Variants in EXOC6 observed in about 807,000 individuals in gnomAD.
The protein encoded by EXOC6 is exocyst complex component 6.
In EXOC6, 60 loss-of-function variants were observed where a neutral mutation model predicts 112.5. That is an observed-to-expected ratio of 0.53 (90% CI 0.43 to 0.66). EXOC6 has a LOEUF of 0.66. Among genes scored for constraint, EXOC6 ranks in the 30% least tolerant of loss-of-function variants. EXOC6 has a pLI of 0.00. For synonymous variants in EXOC6, 295 were observed against 308.0 expected, an observed-to-expected ratio of 0.96 and a Z score of 0.44; for missense variants, 855 against 957.1, an observed-to-expected ratio of 0.89 and a Z score of 1.41.
At chr10:92,965,051 C>T (rs940914860) in intron 17 of EXOC6, among the ~76,000 whole-genome samples, 3 of 152,124 alleles carry the variant, frequency 2.0e-5, no homozygotes, top group Non-Finnish European at 2.9e-5. Flanking sequence ...CAAGACCCAA[C>T]CTTGGAGCTA....
Position 92,893,530 on chromosome 10 carries a change from A to G in EXOC6, c.273+10A>G. On this transcript the variant is annotated intron_variant, in intron 2 of 21. Coordinates refer to ENST00000260762, the MANE Select transcript of EXOC6 (RefSeq NM_019053.6). ...TGCAGAAAAACTGAAGGTAAGAAAT[A>G]TGTTAAAATTATTTGCCTTTGTTCT... is the stretch of plus-strand genomic sequence containing the variant. 6.3e-7 allele frequency: 1 copy of G among 1,592,144 alleles called. No homozygotes were observed. The highest frequency in any genetic ancestry group is 8.5e-7 in the Non-Finnish European group (1 of 1,169,598).
At chr10:93,018,292 A>G (rs1844633459) in intron 20 of EXOC6, among the ~76,000 whole-genome samples, 1 of 152,174 alleles carries the variant, frequency 6.6e-6, no homozygotes, top group Non-Finnish European at 1.5e-5. Flanking sequence ...TAATAATGAC[A>G]TGGTGAATAT....
At chr10:92,859,868 G>A (rs984349619) in intron 1 of EXOC6, among the ~76,000 whole-genome samples, 2 of 147,088 alleles carry the variant, frequency 1.4e-5, no homozygotes, top group Non-Finnish European at 3.0e-5. Flanking sequence ...TGTGTTGGAG[G>A]CATATAACCT....
chr10:92,840,240 T>G (rs181368595), intron 1 of EXOC6, among the ~76,000 whole-genome samples: 33 of 152,296 alleles, frequency 2.2e-4, no homozygotes, highest in Admixed American at 1.4e-3. Context: ...GCTATTTATA[T>G]CTTTATAAAT....
At chr10:92,921,169 C>T (rs1401221718) in intron 8 of EXOC6, among the ~76,000 whole-genome samples, 2 of 150,980 alleles carry the variant, frequency 1.3e-5, no homozygotes, top group African/African-American at 4.9e-5. Flanking sequence ...TTTTGTTCCT[C>T]TATTCCTCCA....
chr10:92,848,433 G>GGCCC, upstream of EXOC6: 5 of 855,808 alleles, frequency 5.8e-6, no homozygotes, highest in Non-Finnish European at 5.7e-6. Flanking sequence ...CGGCCCGAGC[G>GGCCC]CCCCGCCCCC....
intron 18 of EXOC6, among the ~76,000 whole-genome samples, chr10:92,976,401 A>G (rs1239263215): frequency 6.6e-6 from 1 of 151,976 alleles, no homozygotes; most frequent in Non-Finnish European, 1.5e-5. Context: ...TGCTGTGTCC[A>G]CTCAGGGTTG....
intron 1 of EXOC6, among the ~76,000 whole-genome samples, chr10:92,841,246 T>G (rs2133589179): frequency 6.6e-6 from 1 of 152,328 alleles, no homozygotes; most frequent in East Asian, 1.9e-4. Flanking sequence ...CTCTGGTAAC[T>G]ACCATTCAAC....
At chr10:92,848,307 G>A (rs1030697472), upstream of EXOC6, 101 of 156,680 alleles carry the variant, frequency 6.4e-4, no homozygotes, top group Non-Finnish European at 1.2e-3. Context: ...AGGCCAGCTG[G>A]GTACCCGGCC....
Position 92,974,240 on chromosome 10 carries a change from T to C in EXOC6, c.1953+8T>C. ...GTGTTTACTCATTTGCCTGTAAGTA[T>C]AAAAATTTTCAAAAATTGTTTTATG... On this transcript the variant is annotated splice_region_variant and intron_variant, in intron 18 of 21. Transcript: ENST00000260762. 2 of 1,523,762 alleles carry C rather than the reference T, an allele frequency of 1.3e-6. No homozygotes were observed. Among genetic ancestry groups the C allele is most frequent in the East Asian group, 2.4e-5 (1 of 41,352 alleles). 94.4% of individuals were successfully genotyped at this position (1,523,762 alleles called of 1,614,324 possible). A position where few individuals can be genotyped will look rare whatever the true frequency, so the allele number is the denominator to read the frequency against.
At chr10:92,892,311 T>G (rs1849545867) in intron 1 of EXOC6, among the ~76,000 whole-genome samples, 1 of 152,238 alleles carries the variant, frequency 6.6e-6, no homozygotes. Flanking sequence ...GAGTGAGCTT[T>G]CAGTTGTCCT....
intron 1 of EXOC6, among the ~76,000 whole-genome samples, chr10:92,879,285 T>G (rs1018897178): frequency 6.6e-6 from 1 of 152,134 alleles, no homozygotes; most frequent in Non-Finnish European, 1.5e-5. Flanking sequence ...CTGGGCAACG[T>G]AGGGAGACTG....
intron 9 of EXOC6, among the ~76,000 whole-genome samples, chr10:92,931,612 G>A (rs1210398769): frequency 6.6e-6 from 1 of 150,818 alleles, no homozygotes; most frequent in Admixed American, 6.6e-5. Flanking sequence ...AACAAAGCTG[G>A]ATGGAGAATG....
At chr10:92,980,938 A>T (rs1842804063) in intron 18 of EXOC6, among the ~76,000 whole-genome samples, 1 of 152,058 alleles carries the variant, frequency 6.6e-6, no homozygotes, top group African/African-American at 2.4e-5. Context: ...GAGGCAGGAG[A>T]ATTGCTTGAA....
intron 20 of EXOC6, among the ~76,000 whole-genome samples, chr10:93,043,300 C>T (rs1306933945): frequency 6.6e-6 from 1 of 152,142 alleles, no homozygotes; most frequent in East Asian, 1.9e-4. Flanking sequence ...TCCCTAAAGT[C>T]GTTGCATACT....
intron 19 of EXOC6, among the ~76,000 whole-genome samples, chr10:93,002,474 A>C (rs757585592): frequency 6.6e-6 from 1 of 151,934 alleles, no homozygotes; most frequent in African/African-American, 2.4e-5. Flanking sequence ...TAGAAATGCA[A>C]ATCTTGGGCC....
intron 14 of EXOC6, among the ~76,000 whole-genome samples, chr10:92,949,614 C>G (rs1157846049): frequency 7.3e-6 from 1 of 137,166 alleles, no homozygotes; most frequent in Non-Finnish European, 1.5e-5. Context: ...TTTTTTGAGA[C>G]GGAGTTTTGC....
At chr10:93,029,396 T>G (rs571651023) in intron 20 of EXOC6, among the ~76,000 whole-genome samples, 3 of 152,196 alleles carry the variant, frequency 2.0e-5, no homozygotes, top group Non-Finnish European at 4.4e-5. Context: ...ACTTATAAAA[T>G]TGAATTTTTT....
At chr10:92,859,168 C>T (rs11516919) in intron 1 of EXOC6, among the ~76,000 whole-genome samples, 71,903 of 151,910 alleles carry the variant, frequency 0.47, 17,989 homozygotes, top group African/African-American at 0.63. Context: ...ATTTAGATAA[C>T]GTAGCAACTC....
Sources: allele counts gnomAD v4.1 joint callset (sites outside exome capture counted in the v4.1 genomes callset), GRCh38; gene constraint gnomAD v4.1.1; transcripts MANE v1.5; gene names NCBI Gene and HGNC (gene_info 2026-07-23, HGNC 2026-07-21).